PAFAH1B2: variants seen among roughly 807,000 people sequenced by gnomAD.
PAFAH1B2 encodes the protein platelet-activating factor acetylhydrolase IB subunit alpha2.
PAFAH1B2 carries 8 observed loss-of-function variants against 28.0 expected under a neutral mutation model. That is an observed-to-expected ratio of 0.29 (90% CI 0.17 to 0.52). PAFAH1B2 has a LOEUF of 0.52. Ranked by LOEUF, PAFAH1B2 falls within the 20% of genes least tolerant of loss-of-function variation. The probability of loss-of-function intolerance (pLI) is 0.97; values close to 1 mark genes in which losing one functional copy is unlikely to be tolerated. For missense variants in PAFAH1B2, 190 were observed against 282.6 expected (o/e 0.67, Z 2.35); for synonymous variants, 104 against 103.2 (o/e 1.01, Z -0.05).
At chr11:117,171,982 T>C (rs1326782191), downstream of PAFAH1B2, among the ~76,000 whole-genome samples, 1 of 152,112 alleles carries the variant, frequency 6.6e-6, no homozygotes, top group East Asian at 1.9e-4. Flanking sequence ...TGGAGGCCTT[T>C]GTCAGCTGCT....
At chr11:117,151,451 A>C (rs1237250725) in intron 1 of PAFAH1B2, among the ~76,000 whole-genome samples, 1 of 151,866 alleles carries the variant, frequency 6.6e-6, no homozygotes, top group East Asian at 1.9e-4. Context: ...GGATGGTCTC[A>C]ATCTCCTGAC....
intron 5 of PAFAH1B2, among the ~76,000 whole-genome samples, chr11:117,164,574 G>T (rs921042674): frequency 3.3e-5 from 5 of 152,166 alleles, no homozygotes; most frequent in African/African-American, 1.2e-4. Flanking sequence ...TATGTTAAAG[G>T]TGGTATATTA....
rs912834995 is a variant in PAFAH1B2 at position 117,168,116 on chromosome 11, A to G, written c.*417A>G. 42 of 1,054,270 alleles carry G rather than the reference A, an allele frequency of 4.0e-5. No individual in the cohort carries two copies. Among genetic ancestry groups the G allele is most frequent in the Non-Finnish European group, 4.6e-5 (40 of 871,504 alleles). 65.3% of individuals were successfully genotyped at this position (1,054,270 alleles called of 1,614,324 possible). On this transcript the variant is annotated 3_prime_UTR_variant, in exon 6 of 6. Coordinates refer to ENST00000527958, the MANE Select transcript of PAFAH1B2 (RefSeq NM_002572.4). Reference sequence around the variant, plus strand: ...TTGGCTTTAAAACATGTTTTCTCCAATTTTTTTAAGGTTCATAATTTAGCC... The same window carrying G: ...TTGGCTTTAAAACATGTTTTCTCCAGTTTTTTTAAGGTTCATAATTTAGCC...
chr11:117,160,579 C>T (rs1956351563), intron 3 of PAFAH1B2, among the ~76,000 whole-genome samples: 1 of 152,146 alleles, frequency 6.6e-6, no homozygotes, highest in East Asian at 1.9e-4. Context: ...TACCTCAGCC[C>T]CTGAGTAGTT....
chr11:117,163,634 C>G, intron 4 of PAFAH1B2, 136 bp from the exon 5 acceptor site: 1 of 837,176 alleles, frequency 1.2e-6, no homozygotes, highest in South Asian at 1.7e-5. Flanking sequence ...AATGGTGCCA[C>G]TGCACTCCAG....
chr11:117,171,743 T>C, downstream of PAFAH1B2: 1 of 1,535,248 alleles, frequency 6.5e-7, no homozygotes. Flanking sequence ...CCAGCAATAT[T>C]ACAGTGAGTT....
chr11:117,159,852 A>G, intron 2 of PAFAH1B2, 82 bp from the exon 3 acceptor site: 2 of 965,706 alleles, frequency 2.1e-6, no homozygotes, highest in Non-Finnish European at 3.3e-6. Context: ...TGGCCTCCCA[A>G]AATGTTGAGA....
At chr11:117,158,761 T>A (rs1956308661) in intron 2 of PAFAH1B2, among the ~76,000 whole-genome samples, 1 of 150,714 alleles carries the variant, frequency 6.6e-6, no homozygotes, top group Non-Finnish European at 1.5e-5. Flanking sequence ...TCTCCTCCCT[T>A]AGCCTCCTGA....
intron 4 of PAFAH1B2, among the ~76,000 whole-genome samples, chr11:117,161,960 C>G (rs905967600): frequency 6.6e-6 from 1 of 152,088 alleles, no homozygotes; most frequent in Non-Finnish European, 1.5e-5. Flanking sequence ...ACCATATAAA[C>G]AGGTCAGTAA....
intron 1 of PAFAH1B2, among the ~76,000 whole-genome samples, chr11:117,149,976 A>T (rs1213203931): frequency 1.3e-5 from 2 of 152,034 alleles, no homozygotes; most frequent in Admixed American, 6.6e-5. Flanking sequence ...GCATGCCTGT[A>T]GTCCTGGCTA....
chr11:117,171,833 G>T, downstream of PAFAH1B2: 1 of 1,004,186 alleles, frequency 1.0e-6, no homozygotes, highest in Non-Finnish European at 1.5e-6. Flanking sequence ...GTTCACCTCA[G>T]TGGTATACTG....
chr11:117,153,379 T>G (rs201838088), intron 2 of PAFAH1B2, among the ~76,000 whole-genome samples: 2,884 of 151,856 alleles, frequency 0.019, 97 homozygotes, highest in African/African-American at 0.065. Flanking sequence ...TAGTTTTTTT[T>G]TTGTTGTTGT....
chr11:117,145,219 C>T (rs988791116), intron 1 of PAFAH1B2, among the ~76,000 whole-genome samples: 6 of 152,120 alleles, frequency 3.9e-5, no homozygotes, highest in African/African-American at 1.4e-4. Context: ...TTGCCAGATC[C>T]GTGCCTTCTG....
At chr11:117,154,418 A>G (rs992382983) in intron 2 of PAFAH1B2, among the ~76,000 whole-genome samples, 10 of 152,186 alleles carry the variant, frequency 6.6e-5, no homozygotes, top group Non-Finnish European at 1.3e-4. Flanking sequence ...AAACACAAAT[A>G]TTTTAAAAAT....
chr11:117,153,462 G>C (rs1391599666), intron 2 of PAFAH1B2, among the ~76,000 whole-genome samples: 1 of 151,874 alleles, frequency 6.6e-6, no homozygotes, highest in East Asian at 1.9e-4. Flanking sequence ...GCTCACTGCA[G>C]CCTCCACCCC....
downstream of PAFAH1B2, among the ~76,000 whole-genome samples, chr11:117,171,951 G>GTTCC (rs1319213402): frequency 6.6e-6 from 1 of 151,910 alleles, no homozygotes; most frequent in Non-Finnish European, 1.5e-5. Context: ...ATCACACCAA[G>GTTCC]TTCCTCTCCA....
In PAFAH1B2 at chr11:117,149,429, C is replaced by CTTTTTTTTTTT. The variant is rs1565260556; in HGVS notation, c.-7-3012_-7-3011insTTTTTTTTTTT. 1.2e-3 allele frequency among the ~76,000 whole-genome samples: 39 copies of CTTTTTTTTTTT among 33,520 alleles called. 1 individual carries two copies. Among genetic ancestry groups the CTTTTTTTTTTT allele is most frequent in the Middle Eastern group, 0.018 (1 of 56 alleles). The allele number at this position is 33,520 out of a possible 152,430, so 22.0% of individuals were successfully genotyped here. On this transcript the variant is annotated intron_variant, in intron 1 of 5. Transcript: ENST00000527958. ...TTTAATTTAAAAAAAGTTTTCTAAT[C>CTTTTTTTTTTT]GTTTTTTTTTTTTTTGAGATGGAGT...
intron 2 of PAFAH1B2, among the ~76,000 whole-genome samples, chr11:117,153,845 T>A (rs781652434): frequency 2.0e-5 from 3 of 152,142 alleles, no homozygotes; most frequent in Non-Finnish European, 2.9e-5. Flanking sequence ...AATCATGAGA[T>A]GTAATATTGA....
At position 117,169,362 on chromosome 11, in the gene PAFAH1B2, A is replaced by C. The variant is rs1233945388; in HGVS notation, c.*1663A>C. ...TGTGGAATATGTACAAACTGGATCT[A>C]TAGATATTTTGAACTGGACCAGGTG... On this transcript the variant is annotated 3_prime_UTR_variant, in exon 6 of 6. Transcript: ENST00000527958. 41 of 1,050,964 alleles carry C rather than the reference A, an allele frequency of 3.9e-5. No homozygotes were observed. Among genetic ancestry groups the C allele is most frequent in the Non-Finnish European group, 4.5e-5 (39 of 870,318 alleles). 65.1% of individuals were successfully genotyped at this position (1,050,964 alleles called of 1,614,324 possible).
Sources: allele counts gnomAD v4.1 joint callset (sites outside exome capture counted in the v4.1 genomes callset), GRCh38; gene constraint gnomAD v4.1.1; transcripts MANE v1.5; gene names NCBI Gene and HGNC (gene_info 2026-07-23, HGNC 2026-07-21).